The following AADACL2 variants were observed in gnomAD, a reference collection of about 807,000 sequenced individuals.
AADACL2 encodes the protein arylacetamide deacetylase like 2.
AADACL2 carries 23 observed loss-of-function variants against 22.3 expected under a neutral mutation model. The ratio of observed to expected loss-of-function variants is 1.03; its 90% confidence interval spans 0.74 to 1.46. The LOEUF is 1.46. Among genes scored for constraint, AADACL2 ranks in the 40% most tolerant of loss-of-function variants. The pLI is 0.00. For missense variants in AADACL2, 472 were observed against 482.9 expected (o/e 0.98, Z 0.21); for synonymous variants, 177 against 166.2 (o/e 1.07, Z -0.50).
chr3:151,756,962 G>C, intron 4 of AADACL2, 30 bp from the exon 5 acceptor site: 1 of 1,524,190 alleles, frequency 6.6e-7, no homozygotes. Flanking sequence ...GGAAATGTTT[G>C]CATTACAGAA....
rs1223711593 is a variant in AADACL2 at position 151,755,357 on chromosome 3, G to A, written c.604-1635G>A. On this transcript the variant is annotated intron_variant, in intron 4 of 4. Transcript: ENST00000356517. ...TTTTGTATAATAAAGGAAAAGTGAC[G>A]ACTGGCCTTAAAGAGGTAATAGAGA... 5.3e-5 allele frequency among the ~76,000 whole-genome samples: 8 copies of A among 152,206 alleles called. No individual in the cohort carries two copies. The East Asian group carries it at 7.7e-4, about 15-fold the overall frequency.
intron 1 of AADACL2, among the ~76,000 whole-genome samples, chr3:151,737,562 G>T (rs1309224653): frequency 1.3e-5 from 2 of 152,066 alleles, no homozygotes; most frequent in Non-Finnish European, 2.9e-5. Context: ...GACAGTGGGT[G>T]TTAAGGTCTC....
rs186998666 is a variant in AADACL2 at position 151,738,768 on chromosome 3, T to A, written c.139-1878T>A. Among the ~76,000 whole-genome samples the A allele has an allele frequency of 1.1e-4, 16 of 152,362 alleles. No individual in the cohort carries two copies. In the East Asian group the frequency reaches 3.1e-3, roughly 29 times the overall value. ...TTGATCTTCAATCCCTGATATCCTT[T>A]CTTCCACTCGATTGATTGAGCTATT... On this transcript the variant is annotated intron_variant, in intron 1 of 4. Transcript: ENST00000356517.
intron 1 of AADACL2, among the ~76,000 whole-genome samples, chr3:151,737,447 T>G (rs9841003): frequency 0.68 from 102,681 of 151,762 alleles, 34,822 homozygotes; most frequent in South Asian, 0.74. Context: ...TGTTGATTTG[T>G]GGTGGAGAGT....
chr3:151,757,653 G>GT lies in AADACL2; in HGVS notation c.*63dup. On this transcript the variant is annotated 3_prime_UTR_variant, in exon 5 of 5. Transcript: ENST00000356517. ...GGATTGTAATTTGTGATATTTTGTG[G>GT]TTTTGGAGCAAAGAACAATGTCATT... 1.3e-6 allele frequency: 2 copies of GT among 1,514,696 alleles called. No individual in the cohort carries two copies. The highest frequency in any genetic ancestry group is 4.3e-5 in the Admixed American group (2 of 46,938). 93.8% of individuals were successfully genotyped at this position (1,514,696 alleles called of 1,614,324 possible).
chr3:151,734,551 T>G lies in AADACL2; in HGVS notation c.138+378T>G, dbSNP rs1713030545. ...CTTTTAGTTGTTTAGATACACATTA[T>G]TGATATTTGTAACTCTTTGATATTA... On this transcript the variant is annotated intron_variant, in intron 1 of 4. Coordinates refer to ENST00000356517, the MANE Select transcript of AADACL2 (RefSeq NM_207365.4). 2.0e-5 allele frequency among the ~76,000 whole-genome samples: 3 copies of G among 152,182 alleles called. No individual in the cohort carries two copies. In the South Asian group the frequency reaches 6.2e-4, roughly 31 times the overall value.
In AADACL2 at chr3:151,761,107, T is replaced by TTTTATATATGGTGAGATATATA. The variant is rs1378124312; in HGVS notation, c.*3537_*3558dup. On this transcript the variant is annotated 3_prime_UTR_variant, in exon 5 of 5. Transcript: ENST00000356517. ...TATATGGTGAGATATATATATATTT[T>TTTTATATATGGTGAGATATATA]TTTATATATGGTGAGATATATATTT... The TTTTATATATGGTGAGATATATA allele has an allele frequency of 2.0e-5, 3 of 147,362 alleles. No individual in the cohort carries two copies. The highest frequency in any genetic ancestry group is 2.0e-4 in the East Asian group (1 of 5,098). 9.1% of individuals were successfully genotyped at this position (147,362 alleles called of 1,614,324 possible). A position where few individuals can be genotyped will look rare whatever the true frequency, so the allele number is the denominator to read the frequency against.
At chr3:151,752,364 G>A (rs1442281828) in intron 4 of AADACL2, among the ~76,000 whole-genome samples, 1 of 152,148 alleles carries the variant, frequency 6.6e-6, no homozygotes, top group Non-Finnish European at 1.5e-5. Flanking sequence ...ACATTACCCT[G>A]TCATTTTCTC....
At chr3:151,751,144 GAAAGATCTTACTGGAGTA>G (rs139224131) in intron 4 of AADACL2, among the ~76,000 whole-genome samples, 174 of 152,274 alleles carry the variant, frequency 1.1e-3, no homozygotes, top group African/African-American at 4.1e-3. Context: ...TCATTTATTT[GAAAGATCTTACTGGAGTA>G]AAATGAGGAG....
chr3:151,755,364 C>T (rs759846119), intron 4 of AADACL2, among the ~76,000 whole-genome samples: 30 of 151,984 alleles, frequency 2.0e-4, no homozygotes, highest in Middle Eastern at 3.4e-3. Flanking sequence ...GACGACTGGC[C>T]TTAAAGAGGT....
At chr3:151,742,662 C>T (rs1007311226) in intron 2 of AADACL2, among the ~76,000 whole-genome samples, 2 of 152,116 alleles carry the variant, frequency 1.3e-5, no homozygotes, top group Non-Finnish European at 2.9e-5. Flanking sequence ...GGTGGTCACA[C>T]ATCACTTTGT....
rs1236977977 is a variant in AADACL2, at chr3:151,745,534, T to C, written c.457T>C (p.Phe153Leu). 6.2e-7 allele frequency: 1 copy of C among 1,613,560 alleles called. No individual in the cohort carries two copies. The highest frequency in any genetic ancestry group is 8.5e-7 in the Non-Finnish European group (1 of 1,179,756). ...CTATAGGCTGGCTCCTCAACACCACTTTCCTGCTCAGTTTGAAGATGGCCT... is the reference window on the plus strand; with the variant it reads ...CTATAGGCTGGCTCCTCAACACCACCTTCCTGCTCAGTTTGAAGATGGCCT... Reference protein sequence around the residue: ...VDYRLAPQHHFPAQFEDGLAA... With the variant: ...VDYRLAPQHHLPAQFEDGLAA... The change falls in exon 4 of 5, where the codon TTT (phenylalanine) becomes CTT (leucine). Residue 153 changes from phenylalanine (F) to leucine (L), a missense_variant. Physicochemically the swap from Phe to Leu is conservative, Grantham distance 22. Transcript: ENST00000356517.
chr3:151,750,832 T>C (rs978268374), intron 4 of AADACL2, among the ~76,000 whole-genome samples: 2 of 152,224 alleles, frequency 1.3e-5, no homozygotes, highest in Admixed American at 1.3e-4. Context: ...TACATATACA[T>C]GTACATGTAC....
chr3:151,758,533 C>A lies in AADACL2; in HGVS notation c.*939C>A, dbSNP rs1016495456. 2 of 89,010 alleles carry A rather than the reference C, an allele frequency of 2.2e-5. No homozygotes were observed. Among genetic ancestry groups the A allele is most frequent in the African/African-American group, 9.8e-5 (2 of 20,464 alleles). 5.5% of individuals were successfully genotyped at this position (89,010 alleles called of 1,614,324 possible). On this transcript the variant is annotated 3_prime_UTR_variant, in exon 5 of 5. Coordinates refer to ENST00000356517, the MANE Select transcript of AADACL2 (RefSeq NM_207365.4). ...TTTTAAAAATATTTTTTAAAGGAGG[C>A]AGCAGATCAATATTATAATTCAAGA...
chr3:151,756,060 A>G (rs1047321780), intron 4 of AADACL2, among the ~76,000 whole-genome samples: 3 of 151,938 alleles, frequency 2.0e-5, no homozygotes, highest in Admixed American at 6.6e-5. Context: ...TTTTCCTTTC[A>G]GTTCAGCCAG....
chr3:151,750,236 T>A (rs896631386), intron 4 of AADACL2, among the ~76,000 whole-genome samples: 1 of 152,182 alleles, frequency 6.6e-6, no homozygotes, highest in Non-Finnish European at 1.5e-5. Flanking sequence ...TTGCTAGTAT[T>A]TTGCTTATAA....
At chr3:151,749,467 T>C (rs1713578602) in intron 4 of AADACL2, among the ~76,000 whole-genome samples, 1 of 152,094 alleles carries the variant, frequency 6.6e-6, no homozygotes, top group East Asian at 1.9e-4. Flanking sequence ...TCTAATATCA[T>C]GTAATATGAA....
At position 151,736,866 on chromosome 3, in the gene AADACL2, T is replaced by C. The variant is rs369417437; in HGVS notation, c.138+2693T>C. Among the ~76,000 whole-genome samples, 17 of 152,194 alleles carry C rather than the reference T, an allele frequency of 1.1e-4. No homozygotes were observed. In the East Asian group the frequency reaches 1.2e-3, roughly 10 times the overall value. The stretch of plus-strand genomic sequence containing the variant: ...GTAATGGGATTGCTGGGTCAAATGA[T>C]ATTTCTGATTAAAGATCATTGAGGA... On this transcript the variant is annotated intron_variant, in intron 1 of 4. Coordinates refer to ENST00000356517, the MANE Select transcript of AADACL2 (RefSeq NM_207365.4).
chr3:151,735,139 C>T (rs778624563), intron 1 of AADACL2, among the ~76,000 whole-genome samples: 22 of 152,140 alleles, frequency 1.4e-4, no homozygotes, highest in Non-Finnish European at 2.2e-4. Flanking sequence ...AGAGGCTTAC[C>T]TTCTCCATAA....
Sources: allele counts gnomAD v4.1 joint callset (sites outside exome capture counted in the v4.1 genomes callset), GRCh38; gene constraint gnomAD v4.1.1; transcripts MANE v1.5; gene names NCBI Gene and HGNC (gene_info 2026-07-23, HGNC 2026-07-21).